PIK3R1: variants seen among roughly 807,000 people sequenced by gnomAD.
The protein encoded by PIK3R1 is phosphatidylinositol 3-kinase regulatory subunit alpha.
PIK3R1 carries 29 observed loss-of-function variants against 98.0 expected under a neutral mutation model. The observed-to-expected ratio is 0.30, with a 90% CI of 0.22 to 0.40. The LOEUF is 0.40. Among genes scored for constraint, PIK3R1 ranks in the 10% least tolerant of loss-of-function variants. The pLI is 1.00. For missense variants in PIK3R1, 596 were observed against 872.7 expected, an observed-to-expected ratio of 0.68 and a Z score of 3.99; for synonymous variants, 282 against 311.8, an observed-to-expected ratio of 0.90 and a Z score of 1.01.
intron 1 of PIK3R1, among the ~76,000 whole-genome samples, chr5:68,219,863 G>A (rs76169419): frequency 0.011 from 1,694 of 152,220 alleles, 37 homozygotes; most frequent in African/African-American, 0.039. Context: ...TATAATAGTT[G>A]CAATTTACTA....
chr5:68,243,114 T>C lies in PIK3R1; in HGVS notation c.334+16105T>C, dbSNP rs573673843. ...TGCCAGAAATCCCACTGGTCCACTG[T>C]CGCAATTTTTACAAAAGGCCACGAT... is the stretch of plus-strand genomic sequence containing the variant. On this transcript the variant is annotated intron_variant, in intron 2 of 15. Transcript: ENST00000521381. Among the ~76,000 whole-genome samples the C allele has an allele frequency of 2.0e-5, 3 of 152,112 alleles. No individual in the cohort carries two copies. The South Asian group carries it at 6.2e-4, about 32-fold the overall frequency.
intron 4 of PIK3R1, 29 bp downstream of exon 4, chr5:68,274,042 TGG>T (rs753074137): frequency 6.4e-7 from 1 of 1,553,180 alleles, no homozygotes; most frequent in Non-Finnish European, 8.9e-7. Flanking sequence ...GAAATGCAAA[TGG>T]GAAAGACAGG....
chr5:68,240,254 C>T (rs964371448), intron 2 of PIK3R1, among the ~76,000 whole-genome samples: 6 of 152,172 alleles, frequency 3.9e-5, no homozygotes, highest in African/African-American at 1.4e-4. Context: ...GTGTACTGTT[C>T]TACTAAAAGC....
intron 2 of PIK3R1, among the ~76,000 whole-genome samples, chr5:68,271,908 C>T (rs961572777): frequency 5.3e-5 from 8 of 152,072 alleles, no homozygotes; most frequent in Non-Finnish European, 8.8e-5. Context: ...ACTTTCATAA[C>T]GTGAATTTGT....
rs1430382554 is a variant in PIK3R1, at chr5:68,301,165, C to G, written c.*3564C>G. 4.5e-6 allele frequency: 1 copy of G among 223,412 alleles called. No homozygotes were observed. The allele number at this position is 223,412 out of a possible 1,614,324, so 13.8% of individuals were successfully genotyped here. ...TTTTAGAAAGGGGCAGTTTAAAGCA[C>G]AATGTCTCACATGGGACAAAGTTCC... On this transcript the variant is annotated 3_prime_UTR_variant, in exon 16 of 16. Coordinates refer to ENST00000521381, the MANE Select transcript of PIK3R1 (RefSeq NM_181523.3).
intron 1 of PIK3R1, among the ~76,000 whole-genome samples, chr5:68,216,421 C>T (rs906459408): frequency 3.9e-5 from 6 of 152,272 alleles, no homozygotes; most frequent in Non-Finnish European, 7.4e-5. Context: ...CAGCTGCAGC[C>T]AGGGTCGCTG....
chr5:68,276,868 C>T (rs1029245642), intron 4 of PIK3R1, among the ~76,000 whole-genome samples: 8 of 152,140 alleles, frequency 5.3e-5, no homozygotes, highest in Non-Finnish European at 1.0e-4. Context: ...ACATTTAACA[C>T]GTTGTATGTG....
intron 2 of PIK3R1, among the ~76,000 whole-genome samples, chr5:68,245,671 A>G (rs947420341): frequency 1.3e-5 from 2 of 152,260 alleles, no homozygotes; most frequent in African/African-American, 2.4e-5. Flanking sequence ...ATAAAAATTA[A>G]AAAATACATT....
At chr5:68,267,732 A>C (rs1281463403) in intron 2 of PIK3R1, among the ~76,000 whole-genome samples, 2 of 151,396 alleles carry the variant, frequency 1.3e-5, no homozygotes. Context: ...CTTCACATTC[A>C]GAAAACTGAA....
chr5:68,300,372 T>G lies in PIK3R1; in HGVS notation c.*2771T>G, dbSNP rs1747973026. 4.3e-6 allele frequency: 1 copy of G among 232,810 alleles called. No individual in the cohort carries two copies. The highest frequency in any genetic ancestry group is 5.6e-5 in the Admixed American group (1 of 17,778). 14.4% of individuals were successfully genotyped at this position (232,810 alleles called of 1,614,324 possible). On this transcript the variant is annotated 3_prime_UTR_variant, in exon 16 of 16. Transcript: ENST00000521381. ...TCATCAGACAGTCCTAACAATATTG[T>G]CTGAACGGCTGAATATGAATAGATA... is the stretch of plus-strand genomic sequence containing the variant.
chr5:68,256,387 G>A lies in PIK3R1; in HGVS notation c.335-17003G>A, dbSNP rs901245458. Among the ~76,000 whole-genome samples, 5 of 151,966 alleles carry A rather than the reference G, an allele frequency of 3.3e-5. No homozygotes were observed. In the East Asian group the frequency reaches 5.8e-4, roughly 18 times the overall value. On this transcript the variant is annotated intron_variant, in intron 2 of 15. Transcript: ENST00000521381. ...TGGGACTACAGGTGCCCGCCACCAC[G>A]CCCAGCTAATCTTTTTGTATTTTTA...
intron 15 of PIK3R1, 149 bp from the exon 16 acceptor site, chr5:68,297,263 C>G: frequency 3.3e-6 from 2 of 606,604 alleles, no homozygotes; most frequent in Non-Finnish European, 5.8e-6. Flanking sequence ...GGTTACCTAC[C>G]CAAGGCACTC....
chr5:68,237,251 T>G (rs1344126047), intron 2 of PIK3R1, among the ~76,000 whole-genome samples: 1 of 152,186 alleles, frequency 6.6e-6, no homozygotes, highest in Admixed American at 6.5e-5. Flanking sequence ...TGAAGTTGAT[T>G]CAGATGAATC....
In PIK3R1 at chr5:68,300,362, A is replaced by C. The variant is rs1747972743; in HGVS notation, c.*2761A>C. On this transcript the variant is annotated 3_prime_UTR_variant, in exon 16 of 16. Transcript: ENST00000521381. ...ACTTTGGATTTCATCAGACAGTCCT[A>C]ACAATATTGTCTGAACGGCTGAATA... 4 of 232,824 alleles carry C rather than the reference A, an allele frequency of 1.7e-5. No homozygotes were observed. In the Admixed American group the frequency reaches 2.3e-4, roughly 13 times the overall value. The allele number at this position is 232,824 out of a possible 1,614,324, so 14.4% of individuals were successfully genotyped here. A position where few individuals can be genotyped will look rare whatever the true frequency, so the allele number is the denominator to read the frequency against.
intron 2 of PIK3R1, among the ~76,000 whole-genome samples, chr5:68,238,065 G>A (rs1744732014): frequency 6.6e-6 from 1 of 152,196 alleles, no homozygotes; most frequent in African/African-American, 2.4e-5. Flanking sequence ...AAGTGCTGAA[G>A]GTGGGGTAGA....
intron 2 of PIK3R1, among the ~76,000 whole-genome samples, chr5:68,248,615 TA>T (rs1160850239): frequency 6.6e-6 from 1 of 152,216 alleles, no homozygotes; most frequent in Admixed American, 6.5e-5. Context: ...ACTACCCAGA[TA>T]ATCATTTGAT....
intron 4 of PIK3R1, among the ~76,000 whole-genome samples, chr5:68,275,257 G>A (rs1259539556): frequency 6.6e-6 from 1 of 152,212 alleles, no homozygotes; most frequent in African/African-American, 2.4e-5. Context: ...GTCATTAGAA[G>A]TTAACATGCA....
chr5:68,298,468 T>C lies in PIK3R1; in HGVS notation c.*867T>C, dbSNP rs980994295. On this transcript the variant is annotated 3_prime_UTR_variant, in exon 16 of 16. Transcript: ENST00000521381. ...TTTTAAATGTACCTTCAGAATAAGC[T>C]TCCCCACCCCAGTTTTTGTTGCTTG... 9 of 233,216 alleles carry C rather than the reference T, an allele frequency of 3.9e-5. No individual in the cohort carries two copies. The highest frequency in any genetic ancestry group is 1.8e-4 in the African/African-American group (8 of 45,322). The allele number at this position is 233,216 out of a possible 1,614,324, so 14.4% of individuals were successfully genotyped here.
chr5:68,285,237 C>A (rs1232305109), intron 7 of PIK3R1, among the ~76,000 whole-genome samples: 1 of 152,164 alleles, frequency 6.6e-6, no homozygotes, highest in African/African-American at 2.4e-5. Context: ...ACTCTTTCTA[C>A]CCCTTGCCCT....
Sources: gnomAD v4.1 joint callset for allele counts (sites outside exome capture counted in the v4.1 genomes callset) on GRCh38, gnomAD v4.1.1 for gene constraint, MANE v1.5 for transcripts, NCBI Gene and HGNC (gene_info 2026-07-23, HGNC 2026-07-21) for gene names.